The following HPSE2 variants were observed in gnomAD, a reference collection of about 807,000 sequenced individuals.
HPSE2 encodes the protein inactive heparanase-2.
Under a neutral mutation model 60.5 loss-of-function variants are expected in HPSE2, and 38 were observed. The observed-to-expected ratio is 0.63, with a 90% confidence interval of 0.48 to 0.82. The LOEUF (loss-of-function observed/expected upper bound fraction) is 0.82, where lower values mean the gene tolerates loss of function less well. Ranked by LOEUF, HPSE2 falls within the 40% of genes least tolerant of loss-of-function variation. HPSE2 has a pLI of 0.00. For synonymous variants in HPSE2, 295 were observed against 293.2 expected (o/e 1.01, Z -0.06); for missense variants, 713 against 740.4 (o/e 0.96, Z 0.43).
intron 3 of HPSE2, among the ~76,000 whole-genome samples, chr10:99,107,016 G>A (rs1429844418): frequency 6.6e-6 from 1 of 152,036 alleles, no homozygotes; most frequent in African/African-American, 2.4e-5. Flanking sequence ...GACTACAGGT[G>A]TGCACCACCA....
chr10:99,283,873 A>G, the HPSE2 span, among the ~76,000 whole-genome samples: 130,227 of 152,160 alleles, frequency 0.86, 56,094 homozygotes, highest in African/African-American at 0.92. Context: ...AACCTAGACT[A>G]AATCAGTAAT....
At chr10:98,647,486 A>G (rs1946803570) in intron 6 of HPSE2, among the ~76,000 whole-genome samples, 1 of 152,180 alleles carries the variant, frequency 6.6e-6, no homozygotes, top group Admixed American at 6.5e-5. Context: ...GAGGAGGGGC[A>G]GCCTGCTCAG....
intron 3 of HPSE2, among the ~76,000 whole-genome samples, chr10:98,860,009 ATAAAT>A (rs1295808202): frequency 6.6e-6 from 1 of 152,204 alleles, no homozygotes; most frequent in Non-Finnish European, 1.5e-5. Context: ...TACCTAATTT[ATAAAT>A]TAAACTTTAT....
chr10:99,021,516 G>A (rs552203820), intron 3 of HPSE2, among the ~76,000 whole-genome samples: 1 of 152,008 alleles, frequency 6.6e-6, no homozygotes, highest in Non-Finnish European at 1.5e-5. Flanking sequence ...ACAAGATATA[G>A]AGCGTCTCGC....
chr10:98,630,828 T>C (rs563129298), intron 7 of HPSE2, among the ~76,000 whole-genome samples: 1 of 152,326 alleles, frequency 6.6e-6, no homozygotes, highest in Admixed American at 6.5e-5. Flanking sequence ...AGAAGATAAC[T>C]AATAATCTCA....
intron 3 of HPSE2, among the ~76,000 whole-genome samples, chr10:98,977,828 T>A (rs1045664604): frequency 4.0e-5 from 6 of 151,706 alleles, no homozygotes; most frequent in African/African-American, 1.2e-4. Context: ...TAGAAAGTGC[T>A]ATGTATCTTA....
intron 3 of HPSE2, among the ~76,000 whole-genome samples, chr10:98,780,567 A>G (rs1950442224): frequency 6.6e-6 from 1 of 152,120 alleles, no homozygotes. Flanking sequence ...ACAGCAGGGA[A>G]GATGGCCGGG....
At chr10:98,705,795 T>C (rs894805345) in intron 5 of HPSE2, among the ~76,000 whole-genome samples, 1 of 152,000 alleles carries the variant, frequency 6.6e-6, no homozygotes, top group African/African-American at 2.4e-5. Flanking sequence ...TTAGCATAAA[T>C]AGCTAATGCA....
At chr10:99,084,557 C>T (rs1843256298) in intron 3 of HPSE2, among the ~76,000 whole-genome samples, 1 of 152,116 alleles carries the variant, frequency 6.6e-6, no homozygotes, top group African/African-American at 2.4e-5. Flanking sequence ...CAAACAACGC[C>T]ACAGTGAGTT....
At chr10:98,536,608 G>C (rs566714654) in intron 9 of HPSE2, among the ~76,000 whole-genome samples, 1 of 152,298 alleles carries the variant, frequency 6.6e-6, no homozygotes, top group Non-Finnish European at 1.5e-5. Context: ...AGTCAGGTAA[G>C]GCAGGAGAAG....
intron 3 of HPSE2, chr10:99,048,358 C>A: frequency 3.6e-6 from 1 of 275,790 alleles, no homozygotes; most frequent in Non-Finnish European, 6.9e-6. Context: ...AGTACCTGCT[C>A]TCAAACTGAA....
At chr10:99,060,701 G>A (rs1204200748) in intron 3 of HPSE2, among the ~76,000 whole-genome samples, 4 of 143,496 alleles carry the variant, frequency 2.8e-5, no homozygotes, top group African/African-American at 1.0e-4. Context: ...CAATCTAAGT[G>A]TCCATCAACA....
At chr10:98,873,082 C>G (rs1053057269) in intron 3 of HPSE2, among the ~76,000 whole-genome samples, 1 of 151,998 alleles carries the variant, frequency 6.6e-6, no homozygotes, top group Non-Finnish European at 1.5e-5. Context: ...TTTAACTTTA[C>G]TTAATGCTGG....
intron 9 of HPSE2, among the ~76,000 whole-genome samples, chr10:98,577,707 C>T (rs547599532): frequency 1.3e-5 from 2 of 152,240 alleles, no homozygotes; most frequent in Admixed American, 1.3e-4. Context: ...TTTGGCAGTG[C>T]CACTGAAATT....
chr10:98,472,165 G>A (rs1391371522), intron 11 of HPSE2, among the ~76,000 whole-genome samples: 13 of 151,556 alleles, frequency 8.6e-5, no homozygotes, highest in Non-Finnish European at 1.5e-4. Flanking sequence ...TACTGCCTCA[G>A]AACCTTAAGT....
intron 3 of HPSE2, among the ~76,000 whole-genome samples, chr10:99,023,775 G>C (rs752692017): frequency 6.6e-6 from 1 of 152,174 alleles, no homozygotes; most frequent in Non-Finnish European, 1.5e-5. Context: ...AAGAACCACA[G>C]TGTTACTGGG....
chr10:98,795,426 G>C (rs976592429), intron 3 of HPSE2, among the ~76,000 whole-genome samples: 19 of 152,222 alleles, frequency 1.2e-4, no homozygotes, highest in Non-Finnish European at 1.2e-4. Flanking sequence ...TTGTCACAGA[G>C]AGCAAAGCTG....
intron 3 of HPSE2, among the ~76,000 whole-genome samples, chr10:98,806,209 A>T (rs1448380744): frequency 6.6e-6 from 1 of 152,202 alleles, no homozygotes; most frequent in Non-Finnish European, 1.5e-5. Flanking sequence ...GTTACATTCA[A>T]ATCTAATATG....
intron 9 of HPSE2, among the ~76,000 whole-genome samples, chr10:98,576,536 G>A (rs1944644980): frequency 6.6e-6 from 1 of 152,114 alleles, no homozygotes; most frequent in African/African-American, 2.4e-5. Flanking sequence ...AGGACAAGGA[G>A]AAGCAGAGAG....
Sources: gnomAD v4.1 joint callset for allele counts (sites outside exome capture counted in the v4.1 genomes callset) on GRCh38, gnomAD v4.1.1 for gene constraint, MANE v1.5 for transcripts, NCBI Gene and HGNC (gene_info 2026-07-23, HGNC 2026-07-21) for gene names.